The following FUT8 variants were observed in gnomAD, a reference collection of about 807,000 sequenced individuals.
FUT8 encodes the protein fucosyltransferase 8.
FUT8 carries 29 observed loss-of-function variants against 71.3 expected under a neutral mutation model. That is an observed-to-expected ratio of 0.41 (90% confidence interval 0.30 to 0.55). The LOEUF is 0.55. Among genes scored for constraint, FUT8 ranks in the 20% least tolerant of loss-of-function variants. FUT8 has a pLI of 0.34. For missense variants in FUT8, 544 were observed against 702.1 expected (o/e 0.77, Z 2.55); for synonymous variants, 254 against 239.3 (o/e 1.06, Z -0.57).
In FUT8 at chr14:65,433,514, A is replaced by T. The variant is rs188186842; in HGVS notation, c.-326+20300A>T. 2.8e-3 allele frequency among the ~76,000 whole-genome samples: 432 copies of T among 152,286 alleles called. 3 individuals are homozygous for T. The highest frequency in any genetic ancestry group is 9.9e-3 in the African/African-American group (411 of 41,548). On this transcript the variant is annotated intron_variant, in intron 1 of 10. Transcript: ENST00000673929. ...TGCTATTGCCTTTCTTCAGATATTG[A>T]TTAAAATTTGTGAAAGAGCATGCAA...
intron 5 of FUT8, among the ~76,000 whole-genome samples, chr14:65,623,036 G>A (rs1031227406): frequency 2.0e-5 from 3 of 151,786 alleles, no homozygotes; most frequent in East Asian, 1.9e-4. Context: ...GACTATAGGC[G>A]TGTGTCCCTG....
chr14:65,412,439 G>T (rs2065144129), upstream of FUT8: 2 of 426,690 alleles, frequency 4.7e-6, no homozygotes, highest in South Asian at 3.3e-5. Context: ...CGGGATCCAG[G>T]ATCCGCTCGC....
intron 7 of FUT8, among the ~76,000 whole-genome samples, chr14:65,686,443 T>A (rs563511025): frequency 2.6e-5 from 4 of 152,190 alleles, no homozygotes; most frequent in Non-Finnish European, 4.4e-5. Context: ...AAGCACCCAT[T>A]ATCATGGAAC....
chr14:65,695,394 C>G (rs531207641), intron 7 of FUT8, among the ~76,000 whole-genome samples: 1 of 149,518 alleles, frequency 6.7e-6, no homozygotes, highest in South Asian at 2.1e-4. Flanking sequence ...ATAATTAAAC[C>G]TCTGTCATTA....
chr14:65,505,502 CG>C, intron 2 of FUT8, among the ~76,000 whole-genome samples: 1 of 151,528 alleles, frequency 6.6e-6, no homozygotes, highest in South Asian at 2.1e-4. Flanking sequence ...TTAGTAGAGA[CG>C]GGGTTTCACC....
At position 65,627,020 on chromosome 14, in the gene FUT8, T is replaced by C. The variant is rs1029122798; in HGVS notation, c.483-2472T>C. ...ACCGTTATCTCATTATATAAACTCT[T>C]GAAGGTTTTTCTTTTGCTACTTTTT... On this transcript the variant is annotated intron_variant, in intron 5 of 10. Transcript: ENST00000673929. The surrounding 1 kb of genome is among the most constrained non-coding windows in gnomAD (Gnocchi z 4.0). Among the ~76,000 whole-genome samples, 1 of 152,214 alleles carries C rather than the reference T, an allele frequency of 6.6e-6. No homozygotes were observed. Among genetic ancestry groups the C allele is most frequent in the African/African-American group, 2.4e-5 (1 of 41,460 alleles).
At chr14:65,737,020 A>G (rs1041899311) in intron 10 of FUT8, among the ~76,000 whole-genome samples, 1 of 152,116 alleles carries the variant, frequency 6.6e-6, no homozygotes, top group Non-Finnish European at 1.5e-5. Context: ...ATGAAATGCC[A>G]TGCTAGAAGG....
chr14:65,551,968 TG>T (rs1885313823), intron 2 of FUT8, among the ~76,000 whole-genome samples: 1 of 152,186 alleles, frequency 6.6e-6, no homozygotes, highest in African/African-American at 2.4e-5. Context: ...AATGATCATC[TG>T]TTTATATATA....
intron 7 of FUT8, among the ~76,000 whole-genome samples, chr14:65,709,805 C>T (rs1894727801): frequency 1.3e-5 from 2 of 152,162 alleles, no homozygotes; most frequent in African/African-American, 4.8e-5. Context: ...ACAGCCGTTT[C>T]TGACTTCTCT....
chr14:65,524,977 A>T (rs1351989003), intron 2 of FUT8, among the ~76,000 whole-genome samples: 1 of 152,188 alleles, frequency 6.6e-6, no homozygotes, highest in Non-Finnish European at 1.5e-5. Flanking sequence ...TCGGTTTGCC[A>T]GTATTTTATT....
At chr14:65,582,310 T>C (rs551141547) in intron 3 of FUT8, among the ~76,000 whole-genome samples, 97 of 152,334 alleles carry the variant, frequency 6.4e-4, no homozygotes, top group African/African-American at 2.1e-3. Flanking sequence ...TATTTTGATA[T>C]AAGAATATAT....
intron 7 of FUT8, among the ~76,000 whole-genome samples, chr14:65,696,606 G>A (rs1429736120): frequency 6.6e-6 from 1 of 151,854 alleles, no homozygotes; most frequent in Non-Finnish European, 1.5e-5. Flanking sequence ...ATAGATTTGT[G>A]GTTTTGTGTC....
In FUT8 at chr14:65,439,991, T is replaced by TATATATAC. The variant is rs1491251493; in HGVS notation, c.-325-15630_-325-15629insATATATAC. The stretch of plus-strand genomic sequence containing the variant: ...ATATATATATATATATATATATATA[T>TATATATAC]GTACACACACACAGTGGAATACTGT... On this transcript the variant is annotated intron_variant, in intron 1 of 10. Coordinates refer to ENST00000673929, the MANE Select transcript of FUT8 (RefSeq NM_001371533.1). Among the ~76,000 whole-genome samples, 227 of 134,228 alleles carry TATATATAC rather than the reference T, an allele frequency of 1.7e-3. 5 individuals carry two copies. Among genetic ancestry groups the TATATATAC allele is most frequent in the Non-Finnish European group, 2.5e-3 (154 of 62,000 alleles). The allele number at this position is 134,228 out of a possible 152,430, so 88.1% of individuals were successfully genotyped here.
chr14:65,520,464 C>T (rs770967108), intron 2 of FUT8, among the ~76,000 whole-genome samples: 6 of 151,924 alleles, frequency 3.9e-5, no homozygotes, highest in Non-Finnish European at 8.8e-5. Context: ...CAGGATAGTA[C>T]GGAATGTTAA....
chr14:65,469,698 T>C (rs577441281), intron 2 of FUT8, among the ~76,000 whole-genome samples: 85 of 152,088 alleles, frequency 5.6e-4, no homozygotes, highest in African/African-American at 1.9e-3. Context: ...GGCCCTGGAG[T>C]GAGTGGCTCC....
At chr14:65,545,939 C>T (rs1884963187) in intron 2 of FUT8, among the ~76,000 whole-genome samples, 1 of 151,604 alleles carries the variant, frequency 6.6e-6, no homozygotes, top group Non-Finnish European at 1.5e-5. Context: ...TAAGAATGTA[C>T]TAGGTGATGA....
At chr14:65,401,917 AG>A in the FUT8 span, among the ~76,000 whole-genome samples, 1 of 118,674 alleles carries the variant, frequency 8.4e-6, no homozygotes, top group African/African-American at 3.2e-5. Flanking sequence ...AAAAAAAAAA[AG>A]GGATTGAGTT....
At chr14:65,697,498 C>A (rs931036901) in intron 7 of FUT8, among the ~76,000 whole-genome samples, 1 of 152,190 alleles carries the variant, frequency 6.6e-6, no homozygotes, top group Non-Finnish European at 1.5e-5. Context: ...AGATTAAGCT[C>A]TGGTAAACTA....
chr14:65,614,111 C>CA (rs33994378), intron 3 of FUT8, among the ~76,000 whole-genome samples: 18,486 of 134,402 alleles, frequency 0.14, 2,402 homozygotes, highest in African/African-American at 0.35. Context: ...GAGACTGTGT[C>CA]AAAAAAAAAA....
Sources: allele counts gnomAD v4.1 joint callset (sites outside exome capture counted in the v4.1 genomes callset), GRCh38; gene constraint gnomAD v4.1.1; non-coding constraint Gnocchi (gnomAD v3.1); transcripts MANE v1.5; gene names NCBI Gene and HGNC (gene_info 2026-07-23, HGNC 2026-07-21).